The following PARD3 variants were observed in gnomAD, a reference collection of about 807,000 sequenced individuals.
PARD3 encodes the protein partitioning defective 3 homolog.
A neutral mutation model predicts 155.4 loss-of-function variants in PARD3; 75 were observed. The ratio of observed to expected loss-of-function variants is 0.48; its 90% CI spans 0.40 to 0.58. The LOEUF (loss-of-function observed/expected upper bound fraction) is 0.58, where lower values mean the gene tolerates loss of function less well. Among genes scored for constraint, PARD3 ranks in the 20% least tolerant of loss-of-function variants. The pLI, the probability that PARD3 is intolerant of heterozygous loss-of-function variation, is 0.00. For synonymous variants in PARD3, 576 were observed against 610.5 expected (o/e 0.94, Z 0.83); for missense variants, 1,642 against 1,721.7 (o/e 0.95, Z 0.82).
At chr10:34,187,604 T>C (rs1002908086) in intron 22 of PARD3, among the ~76,000 whole-genome samples, 1 of 152,216 alleles carries the variant, frequency 6.6e-6, no homozygotes, top group Admixed American at 6.5e-5. Context: ...AACAACAGTT[T>C]AGGGGAGTGA....
intron 2 of PARD3, among the ~76,000 whole-genome samples, chr10:34,691,764 A>C (rs574200420): frequency 6.6e-6 from 1 of 151,008 alleles, no homozygotes; most frequent in Non-Finnish European, 1.5e-5. Context: ...ATGGAACAGA[A>C]GAGAGAGCCC....
At chr10:34,640,734 A>AAAAAAAAAAAAAAAAC (rs2092650936) in intron 2 of PARD3, among the ~76,000 whole-genome samples, 3 of 145,172 alleles carry the variant, frequency 2.1e-5, no homozygotes, top group Non-Finnish European at 4.5e-5. Flanking sequence ...AAAAAAAAAA[A>AAAAAAAAAAAAAAAAC]AAGCACTTTT....
chr10:34,598,245 A>T (rs2089467532), intron 2 of PARD3, among the ~76,000 whole-genome samples: 1 of 152,224 alleles, frequency 6.6e-6, no homozygotes, highest in African/African-American at 2.4e-5. Context: ...AATAAAAGTG[A>T]GCCTAATAAA....
intron 3 of PARD3, among the ~76,000 whole-genome samples, chr10:34,507,842 G>A (rs2081180762): frequency 6.6e-6 from 1 of 152,154 alleles, no homozygotes; most frequent in African/African-American, 2.4e-5. Flanking sequence ...AACTTGCACA[G>A]TAAGAAGGTA....
At chr10:34,735,611 A>G (rs2094898796) in intron 1 of PARD3, among the ~76,000 whole-genome samples, 1 of 152,208 alleles carries the variant, frequency 6.6e-6, no homozygotes, top group Admixed American at 6.5e-5. Context: ...AAAATGGGCT[A>G]ACCTACCCAC....
chr10:34,778,595 T>G (rs1839877462), intron 1 of PARD3, among the ~76,000 whole-genome samples: 1 of 152,054 alleles, frequency 6.6e-6, no homozygotes, highest in Admixed American at 6.5e-5. Flanking sequence ...CCACAGACAA[T>G]ATCCTCCAGC....
At chr10:34,246,740 G>A (rs117847772) in intron 22 of PARD3, among the ~76,000 whole-genome samples, 174 of 152,242 alleles carry the variant, frequency 1.1e-3, no homozygotes, top group Non-Finnish European at 2.0e-3. Context: ...CCCACGCAGA[G>A]GAGGAGACTG....
chr10:34,580,460 A>G (rs2087338687), intron 2 of PARD3, among the ~76,000 whole-genome samples: 1 of 152,162 alleles, frequency 6.6e-6, no homozygotes, highest in Non-Finnish European at 1.5e-5. Context: ...ACTGGAGCCT[A>G]AGAAGTCCAG....
Position 34,111,004 on chromosome 10 carries a change from A to G in PARD3, c.*165T>C. ...AGACACTTGAGACATAGTGGCAAAG[A>G]CATTAAGGCCTTCCATTTCTTTGCC... is the stretch of plus-strand genomic sequence containing the variant. On this transcript the variant is annotated 3_prime_UTR_variant, in exon 25 of 25. Transcript: ENST00000374788. The G allele has an allele frequency of 1.6e-6, 1 of 628,464 alleles. No individual in the cohort carries two copies. The highest frequency in any genetic ancestry group is 2.6e-6 in the Non-Finnish European group (1 of 386,026). 38.9% of individuals were successfully genotyped at this position (628,464 alleles called of 1,614,324 possible).
At chr10:34,402,891 G>A (rs1016223643) in intron 5 of PARD3, among the ~76,000 whole-genome samples, 3 of 151,974 alleles carry the variant, frequency 2.0e-5, no homozygotes, top group Admixed American at 6.6e-5. Flanking sequence ...TTATAATCTC[G>A]GCCACTGTCT....
At chr10:34,789,568 A>G (rs1392712221) in intron 1 of PARD3, among the ~76,000 whole-genome samples, 1 of 151,528 alleles carries the variant, frequency 6.6e-6, no homozygotes, top group East Asian at 1.9e-4. Context: ...GCCAGGCATG[A>G]TGACATGTGT....
In PARD3 at chr10:34,317,329, T is replaced by A. The variant is rs752248818; in HGVS notation, c.2843A>T (p.Asp948Val). ...CCCTGATCTTGAACTTTCTTCTGTG[T>A]CTTCTTCCACTTGGAAGGAAAGAAA... ...DDEGMETLEEDTEESSRSGRE... is the reference protein window; with the variant it reads ...DDEGMETLEEVTEESSRSGRE... The change falls in exon 20 of 25, where the codon GAC becomes GTC. Residue 948 changes from aspartate (D) to valine (V), a missense_variant. By Grantham distance (152) the Asp-to-Val change is radical (BLOSUM62 -3). Around this residue, in one of 3 missense-constraint regions of PARD3, gnomAD observed 1,529 missense variants for 1,587.3 expected, o/e 0.96. Transcript: ENST00000374788. 6.3e-7 allele frequency: 1 copy of A among 1,594,228 alleles called. No homozygotes were observed. Among genetic ancestry groups the A allele is most frequent in the South Asian group, 1.2e-5 (1 of 86,722 alleles).
intron 2 of PARD3, among the ~76,000 whole-genome samples, chr10:34,573,734 AAAACACACAC>A (rs1270386435): frequency 1.9e-4 from 2 of 10,778 alleles, no homozygotes; most frequent in African/African-American, 3.7e-4. Context: ...CAAACAAACA[AAAACACACAC>A]ACACACACAC....
At chr10:34,499,247 G>A (rs953861264) in intron 3 of PARD3, among the ~76,000 whole-genome samples, 3 of 152,116 alleles carry the variant, frequency 2.0e-5, no homozygotes, top group Admixed American at 6.5e-5. Flanking sequence ...AAATGCAGCA[G>A]TCTAGAATAC....
In PARD3 at chr10:34,307,114, TCTC is replaced by T. The variant is rs558864186; in HGVS notation, c.3065+9990_3065+9992del. On this transcript the variant is annotated intron_variant, in intron 20 of 24. Coordinates refer to ENST00000374788, the MANE Select transcript of PARD3 (RefSeq NM_001184785.2). Reference sequence around the variant, plus strand: ...ACCATGTTAGCCAGGATGGTCTCGATCTCCTGAACTCGTGATCCGCCCACCTCG... The same window carrying T: ...ACCATGTTAGCCAGGATGGTCTCGATCTGAACTCGTGATCCGCCCACCTCG... 4.9e-3 allele frequency among the ~76,000 whole-genome samples: 741 copies of T among 152,142 alleles called. 4 individuals are homozygous for T. Among genetic ancestry groups the T allele is most frequent in the Non-Finnish European group, 7.9e-3 (536 of 67,998 alleles).
chr10:34,718,156 A>AC (rs2094549800), intron 1 of PARD3, among the ~76,000 whole-genome samples: 1 of 151,526 alleles, frequency 6.6e-6, no homozygotes, highest in Non-Finnish European at 1.5e-5. Context: ...TCTCAAAAAA[A>AC]AAAAAAAAAA....
chr10:34,328,382 AG>A (rs1413410359), intron 19 of PARD3, among the ~76,000 whole-genome samples: 7 of 152,154 alleles, frequency 4.6e-5, no homozygotes, highest in Admixed American at 6.5e-5. Context: ...TAGGGCAGTG[AG>A]GGGGTACATA....
chr10:34,689,377 G>A (rs963044804), intron 2 of PARD3, among the ~76,000 whole-genome samples: 1 of 152,170 alleles, frequency 6.6e-6, no homozygotes, highest in Non-Finnish European at 1.5e-5. Flanking sequence ...GTGAGTCTAA[G>A]CTACTAATCA....
intron 1 of PARD3, among the ~76,000 whole-genome samples, chr10:34,774,323 G>C (rs1334130673): frequency 6.6e-6 from 1 of 152,146 alleles, no homozygotes; most frequent in African/African-American, 2.4e-5. Flanking sequence ...TAAAATCAAG[G>C]CTAAGGTTAA....
Sources: gnomAD v4.1 joint callset for allele counts (sites outside exome capture counted in the v4.1 genomes callset) on GRCh38, gnomAD v4.1.1 for gene constraint, gnomAD v4.1.1 regional missense constraint, MANE v1.5 for transcripts, NCBI Gene and HGNC (gene_info 2026-07-23, HGNC 2026-07-21) for gene names.